SLC68A1: variants seen among roughly 807,000 people sequenced by gnomAD.
SLC68A1 encodes major facilitator superfamily domain containing 13A.
chr10:102,473,587 C>T, the SLC68A1 span: 2 of 1,610,580 alleles, frequency 1.2e-6, no homozygotes, highest in Non-Finnish European at 1.7e-6. Context: ...CTATGTCGCT[C>T]CCCATCTCAA....
the SLC68A1 span, among the ~76,000 whole-genome samples, chr10:102,463,051 A>G: frequency 6.6e-6 from 1 of 151,574 alleles, no homozygotes; most frequent in Non-Finnish European, 1.5e-5. Context: ...AGGGCTGAGG[A>G]TGTTGTTGAT....
chr10:102,471,644 A>G, the SLC68A1 span, among the ~76,000 whole-genome samples: 2 of 152,128 alleles, frequency 1.3e-5, no homozygotes, highest in African/African-American at 4.8e-5. Context: ...CTGTAATTCC[A>G]ACTACTTGGG....
chr10:102,474,378 G>A, the SLC68A1 span, among the ~76,000 whole-genome samples: 1 of 152,130 alleles, frequency 6.6e-6, no homozygotes, highest in African/African-American at 2.4e-5. Context: ...ATAGTGTTAT[G>A]GTGAAATTAA....
At chr10:102,462,801 C>G in the SLC68A1 span, among the ~76,000 whole-genome samples, 2,168 of 152,346 alleles carry the variant, frequency 0.014, 28 homozygotes, top group Admixed American at 0.024. Context: ...CAGATTGTTT[C>G]TGTGTCTCTT....
chr10:102,463,352 T>C, the SLC68A1 span, among the ~76,000 whole-genome samples: 1 of 152,078 alleles, frequency 6.6e-6, no homozygotes, highest in Non-Finnish European at 1.5e-5. Context: ...TTTGTATTTT[T>C]AGTAGAGAGG....
the SLC68A1 span, chr10:102,476,998 G>T: frequency 1.0e-6 from 1 of 985,760 alleles, no homozygotes; most frequent in Non-Finnish European, 1.2e-6. Context: ...CTCTAAAGAT[G>T]TTTATTTCCT....
At chr10:102,472,765 TGG>T in the SLC68A1 span, 4 of 935,658 alleles carry the variant, frequency 4.3e-6, no homozygotes, top group Non-Finnish European at 7.1e-6. Flanking sequence ...GATGGGGAGT[TGG>T]GGGGGATGTG....
the SLC68A1 span, chr10:102,476,949 T>G: frequency 1.0e-6 from 1 of 985,824 alleles, no homozygotes; most frequent in Non-Finnish European, 1.2e-6. Flanking sequence ...TGAAGTGGCA[T>G]GCCTCCTCTG....
At chr10:102,466,176 G>A in the SLC68A1 span, 2 of 152,248 alleles carry the variant, frequency 1.3e-5, no homozygotes, top group East Asian at 3.9e-4. Context: ...AATCCTTTCT[G>A]TACCCCTGTA....
At chr10:102,476,155 C>A in the SLC68A1 span, 1 of 1,200,980 alleles carries the variant, frequency 8.3e-7, no homozygotes, top group Non-Finnish European at 1.1e-6. Context: ...ACTGAAACCA[C>A]CACCCAGGTT....
chr10:102,470,673 C>A, the SLC68A1 span: 2 of 1,607,790 alleles, frequency 1.2e-6, no homozygotes, highest in Admixed American at 1.7e-5. Flanking sequence ...AGGTCAGGCG[C>A]CGGGCTCTCC....
chr10:102,475,293 C>CT, the SLC68A1 span, among the ~76,000 whole-genome samples: 1 of 109,832 alleles, frequency 9.1e-6, no homozygotes, highest in Non-Finnish European at 2.0e-5. Flanking sequence ...GAGACTCCCT[C>CT]TTTCCAAAAA....
chr10:102,465,267 GA>G, the SLC68A1 span, among the ~76,000 whole-genome samples: 5 of 134,104 alleles, frequency 3.7e-5, no homozygotes, highest in Admixed American at 3.7e-4. Context: ...TCTACAAAAA[GA>G]AAAAAAATTA....
chr10:102,469,030 A>G, the SLC68A1 span: 4 of 1,611,802 alleles, frequency 2.5e-6, no homozygotes, highest in Non-Finnish European at 3.4e-6. Flanking sequence ...GGCTGCAGCC[A>G]TGGGGCTGGG....
chr10:102,463,357 G>A, the SLC68A1 span, among the ~76,000 whole-genome samples: 1 of 152,234 alleles, frequency 6.6e-6, no homozygotes, highest in African/African-American at 2.4e-5. Context: ...ATTTTTAGTA[G>A]AGAGGAGGTT....
chr10:102,462,382 A>C, the SLC68A1 span, among the ~76,000 whole-genome samples: 1 of 152,214 alleles, frequency 6.6e-6, no homozygotes, highest in Non-Finnish European at 1.5e-5. Context: ...AGTTAAAGAT[A>C]ATGTTCACAC....
chr10:102,470,075 G>T, the SLC68A1 span: 1 of 1,613,714 alleles, frequency 6.2e-7, no homozygotes, highest in Non-Finnish European at 8.5e-7. Flanking sequence ...TCCCAGCCCC[G>T]GTTGGTGTAT....
the SLC68A1 span, chr10:102,471,872 C>T: frequency 1.5e-5 from 5 of 331,778 alleles, no homozygotes; most frequent in Admixed American, 2.1e-4. Context: ...GATTCTAGCT[C>T]CCTCTGAGCT....
chr10:102,473,544 A>T, the SLC68A1 span: 1 of 1,570,786 alleles, frequency 6.4e-7, no homozygotes. Context: ...GCCCTTGACA[A>T]GGTGGCTCCC....
Sources: gnomAD v4.1 joint callset for allele counts (sites outside exome capture counted in the v4.1 genomes callset) on GRCh38, gnomAD v4.1.1 for gene constraint, MANE v1.5 for transcripts, NCBI Gene and HGNC (gene_info 2026-07-23, HGNC 2026-07-21) for gene names.